CPNE8: variants seen among roughly 807,000 people sequenced by gnomAD.
CPNE8 encodes the protein copine-8.
In CPNE8, 45 loss-of-function variants were observed where a neutral mutation model predicts 81.5. The observed-to-expected ratio is 0.55, with a 90% CI of 0.44 to 0.71. CPNE8 has a LOEUF of 0.71. CPNE8 is among the 30% of genes least tolerant of loss of function. CPNE8 has a pLI of 0.00. For synonymous variants in CPNE8, 252 were observed against 226.3 expected, an observed-to-expected ratio of 1.11 and a Z score of -1.02; for missense variants, 594 against 672.1, an observed-to-expected ratio of 0.88 and a Z score of 1.28.
At chr12:38,805,814 G>A (rs1269240155) in intron 6 of CPNE8, among the ~76,000 whole-genome samples, 4 of 149,438 alleles carry the variant, frequency 2.7e-5, no homozygotes, top group Non-Finnish European at 6.0e-5. Context: ...ATGAATCCAG[G>A]AGCTGGTTTT....
intron 1 of CPNE8, among the ~76,000 whole-genome samples, chr12:38,890,577 A>G (rs1005814249): frequency 1.9e-4 from 29 of 152,128 alleles, no homozygotes; most frequent in African/African-American, 7.0e-4. Flanking sequence ...ATAAAAAAAA[A>G]TACAGAGTCT....
intron 6 of CPNE8, among the ~76,000 whole-genome samples, chr12:38,791,193 T>C (rs1942314296): frequency 6.6e-6 from 1 of 151,630 alleles, no homozygotes; most frequent in South Asian, 2.1e-4. Context: ...CAACCCCTTC[T>C]TAAGGAGTCA....
chr12:38,690,897 C>T (rs1490112383), intron 15 of CPNE8, among the ~76,000 whole-genome samples: 1 of 152,030 alleles, frequency 6.6e-6, no homozygotes, highest in Non-Finnish European at 1.5e-5. Flanking sequence ...TTCTAAGACA[C>T]AACAAAATCC....
chr12:38,697,369 C>A (rs1438190364), intron 14 of CPNE8, among the ~76,000 whole-genome samples: 1 of 152,136 alleles, frequency 6.6e-6, no homozygotes, highest in Non-Finnish European at 1.5e-5. Flanking sequence ...TTGTTTATTG[C>A]AGAATAGTAT....
At chr12:38,817,167 C>G (rs1266652481) in intron 6 of CPNE8, among the ~76,000 whole-genome samples, 1 of 152,104 alleles carries the variant, frequency 6.6e-6, no homozygotes, top group Non-Finnish European at 1.5e-5. Context: ...GGCAAATCAT[C>G]CTGAATTATC....
chr12:38,789,707 A>T (rs1048872859), intron 6 of CPNE8, among the ~76,000 whole-genome samples: 1 of 151,914 alleles, frequency 6.6e-6, no homozygotes, highest in Admixed American at 6.6e-5. Flanking sequence ...CTGACAAGGG[A>T]TTCATAATCA....
chr12:38,893,803 T>A (rs185077812), intron 1 of CPNE8, among the ~76,000 whole-genome samples: 7 of 152,356 alleles, frequency 4.6e-5, no homozygotes, highest in Admixed American at 1.3e-4. Context: ...TTACTCTATA[T>A]CTGCAATTGT....
chr12:38,712,205 A>ATTTT (rs200471171), intron 13 of CPNE8, among the ~76,000 whole-genome samples: 12 of 135,928 alleles, frequency 8.8e-5, no homozygotes, highest in African/African-American at 3.0e-4. Context: ...CAATGATGCC[A>ATTTT]TTTTTTTTTT....
intron 7 of CPNE8, among the ~76,000 whole-genome samples, chr12:38,775,432 C>T (rs973126106): frequency 5.3e-5 from 8 of 152,158 alleles, no homozygotes; most frequent in African/African-American, 1.9e-4. Flanking sequence ...GGGTGAGTTT[C>T]TGTTCCTACA....
chr12:38,793,721 C>T (rs2136935053), intron 6 of CPNE8, among the ~76,000 whole-genome samples: 1 of 151,808 alleles, frequency 6.6e-6, no homozygotes, highest in East Asian at 1.9e-4. Flanking sequence ...GAAAAAAAAT[C>T]AATCTATAAT....
chr12:38,809,425 A>G (rs1465166775), intron 6 of CPNE8, among the ~76,000 whole-genome samples: 3 of 152,200 alleles, frequency 2.0e-5, no homozygotes, highest in Non-Finnish European at 4.4e-5. Flanking sequence ...ACATGATTAT[A>G]TTAGGTGTAC....
chr12:38,795,425 T>TA (rs1942436667), intron 6 of CPNE8, among the ~76,000 whole-genome samples: 1 of 152,166 alleles, frequency 6.6e-6, no homozygotes, highest in South Asian at 2.1e-4. Flanking sequence ...TTTGCACACC[T>TA]ATGTTAATAG....
chr12:38,764,020 G>A (rs1356500539), intron 8 of CPNE8, among the ~76,000 whole-genome samples: 2 of 152,254 alleles, frequency 1.3e-5, no homozygotes, highest in African/African-American at 2.4e-5. Flanking sequence ...AACGGCATCC[G>A]TGCCTTCTCC....
At chr12:38,847,272 T>C (rs560581536) in intron 4 of CPNE8, among the ~76,000 whole-genome samples, 7 of 152,154 alleles carry the variant, frequency 4.6e-5, no homozygotes, top group African/African-American at 1.7e-4. Context: ...AATCATGAAA[T>C]AGAGGCTGGT....
At chr12:38,857,941 A>G (rs778128444) in intron 3 of CPNE8, among the ~76,000 whole-genome samples, 1 of 152,214 alleles carries the variant, frequency 6.6e-6, no homozygotes, top group Non-Finnish European at 1.5e-5. Flanking sequence ...TGATAATAAG[A>G]GAAAATATTT....
At chr12:38,693,232 T>G (rs1455502325) in intron 15 of CPNE8, among the ~76,000 whole-genome samples, 1 of 152,086 alleles carries the variant, frequency 6.6e-6, no homozygotes, top group Non-Finnish European at 1.5e-5. Context: ...ATGGCCCCAG[T>G]CACCAATTCC....
At chr12:38,905,905 G>C (rs1944564503), upstream of CPNE8, 1 of 985,312 alleles carries the variant, frequency 1.0e-6, no homozygotes, top group Non-Finnish European at 1.2e-6. Flanking sequence ...ACCAGACGCA[G>C]ACCCCTACCG....
chr12:38,828,588 T>C (rs1227332842), intron 6 of CPNE8, among the ~76,000 whole-genome samples: 5 of 152,168 alleles, frequency 3.3e-5, no homozygotes, highest in African/African-American at 1.2e-4. Context: ...TTATGGAGTA[T>C]TGGAATATTT....
intron 6 of CPNE8, among the ~76,000 whole-genome samples, chr12:38,809,393 T>C (rs1327366113): frequency 1.3e-5 from 2 of 152,208 alleles, no homozygotes; most frequent in African/African-American, 2.4e-5. Context: ...TTGCATTGCA[T>C]CTCTTCTGCC....
Sources: allele counts gnomAD v4.1 joint callset (sites outside exome capture counted in the v4.1 genomes callset), GRCh38; gene constraint gnomAD v4.1.1; transcripts MANE v1.5; gene names NCBI Gene and HGNC (gene_info 2026-07-23, HGNC 2026-07-21).